ZNF354C: variants seen among roughly 807,000 people sequenced by gnomAD.
ZNF354C encodes KRAB-zinc finger protein synten.
In ZNF354C, 7 loss-of-function variants were observed where a neutral mutation model predicts 12.4. The ratio of observed to expected loss-of-function variants is 0.56; its 90% CI spans 0.32 to 1.06. ZNF354C has a LOEUF of 1.06. Among genes scored for constraint, ZNF354C ranks in the 50% least tolerant of loss-of-function variants. ZNF354C has a pLI of 0.04. For missense variants in ZNF354C, 609 were observed against 658.0 expected (o/e 0.93, Z 0.81); for synonymous variants, 202 against 224.5 (o/e 0.90, Z 0.90).
rs561222354 is a variant in ZNF354C at position 179,082,765 on chromosome 5, G to C, written c.*2668G>C. On this transcript the variant is annotated 3_prime_UTR_variant, in exon 5 of 5. Transcript: ENST00000315475. Reference sequence around the variant, plus strand: ...CTTGGCTGACGAAGAGCCATTAGGCGAGGATCACTGGCATCATCCAGGGTG... The same window carrying C: ...CTTGGCTGACGAAGAGCCATTAGGCCAGGATCACTGGCATCATCCAGGGTG... 5.8e-5 allele frequency: 80 copies of C among 1,367,922 alleles called. No homozygotes were observed. The South Asian group carries it at 9.2e-4, about 16-fold the overall frequency. 84.7% of individuals were successfully genotyped at this position (1,367,922 alleles called of 1,614,324 possible). A position where few individuals can be genotyped will look rare whatever the true frequency, so the allele number is the denominator to read the frequency against.
chr5:179,077,701 T>A (rs1174639625), intron 4 of ZNF354C, among the ~76,000 whole-genome samples: 4 of 152,142 alleles, frequency 2.6e-5, no homozygotes, highest in African/African-American at 9.7e-5. Context: ...ATTTACTCCA[T>A]GTTTTCCTCT....
Position 179,060,550 on chromosome 5 carries a change from G to C in ZNF354C, c.-171G>C, listed in dbSNP as rs1047680346. Reference sequence around the variant, plus strand: ...CAGCGAGTGGGCGGCGTGCAGCCTCGTCTGGGCTTCTGGGACCAGCCCTAC... The same window carrying C: ...CAGCGAGTGGGCGGCGTGCAGCCTCCTCTGGGCTTCTGGGACCAGCCCTAC... On this transcript the variant is annotated 5_prime_UTR_variant, in exon 1 of 5. Coordinates refer to ENST00000315475, the MANE Select transcript of ZNF354C (RefSeq NM_014594.3). The surrounding 1 kb of genome is among the most constrained non-coding windows in gnomAD (Gnocchi z 4.2). 2 of 152,282 alleles carry C rather than the reference G, an allele frequency of 1.3e-5. No individual in the cohort carries two copies. The highest frequency in any genetic ancestry group is 1.3e-4 in the Admixed American group (2 of 15,290). 9.4% of individuals were successfully genotyped at this position (152,282 alleles called of 1,614,324 possible). A position where few individuals can be genotyped will look rare whatever the true frequency, so the allele number is the denominator to read the frequency against.
Position 179,079,845 on chromosome 5 carries a change from T to A in ZNF354C, c.1413T>A (p.Asn471Lys). The A allele has an allele frequency of 6.2e-7, 1 of 1,614,074 alleles. No individual in the cohort carries two copies. Among genetic ancestry groups the A allele is most frequent in the South Asian group, 1.1e-5 (1 of 91,064 alleles). Residue 471 changes from asparagine to lysine, a missense_variant, in exon 5 of 5, where the codon AAT becomes AAA. Physicochemically the swap from Asn to Lys is moderately conservative, Grantham distance 94. Transcript: ENST00000315475. The surrounding 1 kb of genome is among the most constrained non-coding windows in gnomAD (Gnocchi z 4.2). Reference sequence around the variant, plus strand: ...CTGGAGAGAAACCGTATCAGTGTAATCAGTGTGGAAAGGCCTTCAGCCAGT... The same window carrying A: ...CTGGAGAGAAACCGTATCAGTGTAAACAGTGTGGAAAGGCCTTCAGCCAGT... ...IHTGEKPYQCNQCGKAFSQYS... is the reference protein window; with the variant it reads ...IHTGEKPYQCKQCGKAFSQYS...
chr5:179,077,620 TAAAA>T (rs905862354), intron 4 of ZNF354C, among the ~76,000 whole-genome samples: 3 of 151,954 alleles, frequency 2.0e-5, no homozygotes, highest in African/African-American at 7.3e-5. Context: ...AAGAGGAAAA[TAAAA>T]AGAAAGGTAA....
chr5:179,079,521 G>C lies in ZNF354C; in HGVS notation c.1089G>C (p.Lys363Asn). ...EKPYKCSECG[K>N]GYSQFTSLAE... is the part of the protein sequence containing the mutation. ...CCTATAAATGTAGTGAGTGTGGGAA[G>C]GGATACAGCCAGTTTACATCTCTAG... Residue 363 changes from lysine (K) to asparagine (N), a missense_variant, in exon 5 of 5, where the codon AAG becomes AAC. Lys to Asn is a moderately conservative substitution (Grantham distance 94). Coordinates refer to ENST00000315475, the MANE Select transcript of ZNF354C (RefSeq NM_014594.3). This position sits in a 1 kb window ranked among gnomAD's most constrained non-coding sequence, Gnocchi z 4.2. 6.2e-7 allele frequency: 1 copy of C among 1,614,154 alleles called. No homozygotes were observed. Among genetic ancestry groups the C allele is most frequent in the Non-Finnish European group, 8.5e-7 (1 of 1,180,038 alleles).
At chr5:179,077,011 C>A in intron 3 of ZNF354C, 60 bp from the exon 4 acceptor site, 3 of 1,428,394 alleles carry the variant, frequency 2.1e-6, no homozygotes, top group South Asian at 2.4e-5. Context: ...AGTAGTAGGT[C>A]AGTTCTAGGA....
rs747193861 is a variant in ZNF354C at position 179,079,681 on chromosome 5, T to C, written c.1249T>C (p.Cys417Arg). ...TGQKPYQCNE[C>R]EKAFNQYSSF... ...ACAAAAACCTTATCAGTGCAACGAA[T>C]GTGAGAAAGCCTTCAACCAGTATTC... Residue 417 changes from cysteine to arginine, a missense_variant, in exon 5 of 5, where the codon TGT (cysteine) becomes CGT (arginine). Transcript: ENST00000315475. The surrounding 1 kb of genome is among the most constrained non-coding windows in gnomAD (Gnocchi z 4.2). The C allele has an allele frequency of 3.1e-5, 50 of 1,614,090 alleles. No individual in the cohort carries two copies. Among genetic ancestry groups the C allele is most frequent in the Non-Finnish European group, 4.2e-5 (50 of 1,180,038 alleles).
rs1349613855 is a variant in ZNF354C at position 179,079,577 on chromosome 5, A to T, written c.1145A>T (p.Gln382Leu). 4.3e-6 allele frequency: 7 copies of T among 1,614,056 alleles called. No homozygotes were observed. The highest frequency in any genetic ancestry group is 5.9e-6 in the Non-Finnish European group (7 of 1,180,044). ...AEHQRFHTGE[Q>L]LYTCLECGRT... is the part of the protein sequence containing the mutation. ...CATCAGAGGTTTCATACTGGAGAAC[A>T]ACTGTATACATGCTTGGAATGTGGG... The change falls in exon 5 of 5, where the codon CAA becomes CTA. Residue 382 changes from glutamine to leucine, a missense_variant. Physicochemically the swap from Gln to Leu is moderately radical, Grantham distance 113 (BLOSUM62 -2). Coordinates refer to ENST00000315475, the MANE Select transcript of ZNF354C (RefSeq NM_014594.3). The surrounding 1 kb of genome is among the most constrained non-coding windows in gnomAD (Gnocchi z 4.2).
Position 179,077,181 on chromosome 5 carries a change from G to A in ZNF354C, c.250+15G>A, listed in dbSNP as rs1406962291. 2 of 1,606,792 alleles carry A rather than the reference G, an allele frequency of 1.2e-6. No individual in the cohort carries two copies. The highest frequency in any genetic ancestry group is 3.3e-5 in the Admixed American group (2 of 60,002). ...TACCCGTCTAGGTAAGTGAGAGGCT[G>A]GGAAATGGGCACAAGGGGTTCTTTA... On this transcript the variant is annotated intron_variant, in intron 4 of 4. Coordinates refer to ENST00000315475, the MANE Select transcript of ZNF354C (RefSeq NM_014594.3).
intron 1 of ZNF354C, among the ~76,000 whole-genome samples, chr5:179,061,178 C>T (rs1429340947): frequency 6.6e-6 from 1 of 152,256 alleles, no homozygotes; most frequent in Admixed American, 6.5e-5. Flanking sequence ...GGCAGAGCCC[C>T]AGGTTGGCTC....
chr5:179,082,044 G>A lies in ZNF354C; in HGVS notation c.*1947G>A, dbSNP rs1053790328. 1.3e-5 allele frequency: 2 copies of A among 152,136 alleles called. No homozygotes were observed. The highest frequency in any genetic ancestry group is 2.9e-5 in the Non-Finnish European group (2 of 68,028). The allele number at this position is 152,136 out of a possible 1,614,324, so 9.4% of individuals were successfully genotyped here. A position where few individuals can be genotyped will look rare whatever the true frequency, so the allele number is the denominator to read the frequency against. ...ATTTGAAGAATGTCTTCTTTTAAAT[G>A]TACATGGAATGATAGATTTGGAAAA... On this transcript the variant is annotated 3_prime_UTR_variant, in exon 5 of 5. Coordinates refer to ENST00000315475, the MANE Select transcript of ZNF354C (RefSeq NM_014594.3).
chr5:179,062,031 C>T lies in ZNF354C; in HGVS notation c.-38C>T. The T allele has an allele frequency of 6.2e-7, 1 of 1,613,906 alleles. No homozygotes were observed. Among genetic ancestry groups the T allele is most frequent in the Non-Finnish European group, 8.5e-7 (1 of 1,179,784 alleles). On this transcript the variant is annotated 5_prime_UTR_variant, in exon 2 of 5. Transcript: ENST00000315475. ...CCTCTGCAGACCCACCGTGTCCACA[C>T]TCTGCTCTCCCTGGGCAGGAAGACT...
chr5:179,066,067 A>G (rs1761955079), intron 2 of ZNF354C, among the ~76,000 whole-genome samples: 1 of 152,236 alleles, frequency 6.6e-6, no homozygotes, highest in Non-Finnish European at 1.5e-5. Flanking sequence ...GGAAATCTGT[A>G]TGGAGGATTG....
chr5:179,061,735 A>G (rs1761897191), intron 1 of ZNF354C, among the ~76,000 whole-genome samples: 1 of 152,136 alleles, frequency 6.6e-6, no homozygotes, highest in African/African-American at 2.4e-5. Flanking sequence ...TTAGGTGTGC[A>G]GTTCAAAGCT....
chr5:179,070,449 G>A (rs559922600), intron 2 of ZNF354C, among the ~76,000 whole-genome samples: 3 of 152,186 alleles, frequency 2.0e-5, no homozygotes, highest in Non-Finnish European at 4.4e-5. Context: ...TGGTGAGGCT[G>A]TACCATCTAC....
At chr5:179,074,916 C>T (rs369791166) in intron 2 of ZNF354C, among the ~76,000 whole-genome samples, 3 of 152,160 alleles carry the variant, frequency 2.0e-5, no homozygotes, top group African/African-American at 4.8e-5. Context: ...TATAATTATT[C>T]GAGTAACCAC....
rs1561752612 is a variant in ZNF354C at position 179,079,843 on chromosome 5, A to AAT, written c.1412_1413dup (p.Gln472IlefsTer13). On this transcript the variant is annotated frameshift_variant, in exon 5 of 5. Coordinates refer to ENST00000315475, the MANE Select transcript of ZNF354C (RefSeq NM_014594.3). LOFTEE classifies it low-confidence loss of function (END_TRUNC). The surrounding 1 kb of genome is among the most constrained non-coding windows in gnomAD (Gnocchi z 4.2). ...TACTGGAGAGAAACCGTATCAGTGT[A>AAT]ATCAGTGTGGAAAGGCCTTCAGCCA... is the stretch of plus-strand genomic sequence containing the variant. The AAT allele has an allele frequency of 6.2e-7, 1 of 1,614,146 alleles. No homozygotes were observed. The highest frequency in any genetic ancestry group is 1.7e-5 in the Admixed American group (1 of 60,024).
intron 4 of ZNF354C, among the ~76,000 whole-genome samples, chr5:179,077,809 C>CT (rs1422265959): frequency 0.23 from 28,252 of 121,152 alleles, 4,520 homozygotes; most frequent in South Asian, 0.33. Context: ...CCCCCCACTC[C>CT]TTTTTTTTTT....
In ZNF354C at chr5:179,082,664, T is replaced by G; in HGVS notation, c.*2567T>G. On this transcript the variant is annotated 3_prime_UTR_variant, in exon 5 of 5. Coordinates refer to ENST00000315475, the MANE Select transcript of ZNF354C (RefSeq NM_014594.3). ...CATAGTGGATTAATGACGTGCTTTG[T>G]GGATGTGGTTAGTCAATGACACCAG... 1 of 1,586,322 alleles carries G rather than the reference T, an allele frequency of 6.3e-7. No individual in the cohort carries two copies. Among genetic ancestry groups the G allele is most frequent in the Non-Finnish European group, 8.6e-7 (1 of 1,157,652 alleles).
Sources: gnomAD v4.1 joint callset for allele counts (sites outside exome capture counted in the v4.1 genomes callset) on GRCh38, gnomAD v4.1.1 for gene constraint, Gnocchi (gnomAD v3.1) non-coding constraint, MANE v1.5 for transcripts, NCBI Gene and HGNC (gene_info 2026-07-23, HGNC 2026-07-21) for gene names.